Variants in NKAIN3 observed in about 807,000 individuals in gnomAD.
The protein encoded by NKAIN3 is sodium/potassium transporting ATPase interacting 3, also known as sodium/potassium-transporting ATPase subunit beta-1-interacting protein 3.
NKAIN3 carries 25 observed loss-of-function variants against 30.2 expected under a neutral mutation model. The observed-to-expected ratio is 0.83, with a 90% CI of 0.60 to 1.16. The LOEUF (loss-of-function observed/expected upper bound fraction) is 1.16, where lower values mean the gene tolerates loss of function less well. Among genes scored for constraint, NKAIN3 ranks in the 50% most tolerant of loss-of-function variants. The pLI, the probability that NKAIN3 is intolerant of heterozygous loss-of-function variation, is 0.00. For synonymous variants in NKAIN3, 91 were observed against 89.6 expected (o/e 1.02, Z -0.09); for missense variants, 225 against 254.1 (o/e 0.89, Z 0.78).
chr8:62,769,511 C>CA (rs1563553997), intron 4 of NKAIN3, among the ~76,000 whole-genome samples: 2 of 152,026 alleles, frequency 1.3e-5, no homozygotes, highest in Non-Finnish European at 2.9e-5. Flanking sequence ...ATTCAATATG[C>CA]AAAAAAATTC....
chr8:62,292,809 A>G (rs1813694771), intron 1 of NKAIN3, among the ~76,000 whole-genome samples: 1 of 152,182 alleles, frequency 6.6e-6, no homozygotes, highest in Non-Finnish European at 1.5e-5. Flanking sequence ...AGTTGTGGAT[A>G]ATATCCTGAA....
rs558826109 is a variant in NKAIN3, at chr8:62,977,392, C to T, written c.*11985C>T. Among the ~76,000 whole-genome samples the T allele has an allele frequency of 7.4e-4, 113 of 152,040 alleles. 1 individual carries two copies. The highest frequency in any genetic ancestry group is 2.6e-3 in the African/African-American group (109 of 41,496). ...TATTTCTGAGAGGTTCTGTTCATTC[C>T]TTTTCCATTTTTTTCTTCTAATCTT... On this transcript the variant is annotated 3_prime_UTR_variant, in exon 7 of 7. Coordinates refer to ENST00000623646, the MANE Select transcript of NKAIN3 (RefSeq NM_001304533.3).
intron 3 of NKAIN3, among the ~76,000 whole-genome samples, chr8:62,746,299 A>G (rs953083284): frequency 6.6e-6 from 1 of 152,122 alleles, no homozygotes. Context: ...AATATACACG[A>G]TTGCATTTAG....
chr8:62,466,334 C>A (rs919394273), intron 1 of NKAIN3, among the ~76,000 whole-genome samples: 1 of 152,036 alleles, frequency 6.6e-6, no homozygotes, highest in East Asian at 1.9e-4. Context: ...ACCAATTTTT[C>A]TCCAAAATAT....
At chr8:62,338,966 C>A (rs1254228099) in intron 1 of NKAIN3, among the ~76,000 whole-genome samples, 3 of 152,006 alleles carry the variant, frequency 2.0e-5, no homozygotes, top group Non-Finnish European at 4.4e-5. Context: ...ATCCTTCAAT[C>A]CAATCAAGTT....
At chr8:62,650,939 GAAA>G (rs1252203839) in intron 3 of NKAIN3, among the ~76,000 whole-genome samples, 2 of 151,990 alleles carry the variant, frequency 1.3e-5, no homozygotes, top group Non-Finnish European at 2.9e-5. Flanking sequence ...TTCTTTATGA[GAAA>G]AATATAAATT....
intron 6 of NKAIN3, among the ~76,000 whole-genome samples, chr8:62,958,578 T>C (rs1422250591): frequency 6.6e-6 from 1 of 152,042 alleles, no homozygotes; most frequent in East Asian, 1.9e-4. Context: ...CACATCAGCT[T>C]ACAGTAGGGG....
At chr8:62,271,779 T>G (rs1170852221) in intron 1 of NKAIN3, among the ~76,000 whole-genome samples, 2 of 152,208 alleles carry the variant, frequency 1.3e-5, no homozygotes, top group Admixed American at 6.5e-5. Context: ...GCTCTAGTGA[T>G]TCTTCAAAGA....
intron 4 of NKAIN3, among the ~76,000 whole-genome samples, chr8:62,825,408 A>C (rs1394821741): frequency 6.6e-6 from 1 of 152,192 alleles, no homozygotes; most frequent in Non-Finnish European, 1.5e-5. Context: ...GAAAATATTG[A>C]AAATGTTTTT....
At chr8:62,843,208 G>A (rs993321256) in intron 4 of NKAIN3, among the ~76,000 whole-genome samples, 2 of 151,910 alleles carry the variant, frequency 1.3e-5, no homozygotes, top group African/African-American at 4.8e-5. Context: ...GGACCCAGAT[G>A]CAAGGAACAC....
chr8:62,783,081 G>C (rs961192554), intron 4 of NKAIN3, among the ~76,000 whole-genome samples: 2 of 151,864 alleles, frequency 1.3e-5, no homozygotes, highest in African/African-American at 2.4e-5. Context: ...ATTAATAAAA[G>C]ATAAAATAAA....
chr8:62,471,962 T>C (rs1391408729), intron 1 of NKAIN3, among the ~76,000 whole-genome samples: 1 of 148,146 alleles, frequency 6.8e-6, no homozygotes, highest in Non-Finnish European at 1.5e-5. Flanking sequence ...AGACCCTATC[T>C]CAAACCAACA....
At chr8:62,965,052 T>C (rs534122215) in intron 6 of NKAIN3, among the ~76,000 whole-genome samples, 1 of 152,238 alleles carries the variant, frequency 6.6e-6, no homozygotes, top group Non-Finnish European at 1.5e-5. Flanking sequence ...CACACAACAC[T>C]ACCCTGTTAT....
At chr8:62,375,842 G>C (rs190861693) in intron 1 of NKAIN3, among the ~76,000 whole-genome samples, 358 of 152,224 alleles carry the variant, frequency 2.4e-3, no homozygotes, top group African/African-American at 7.8e-3. Context: ...CAAAATTTCA[G>C]TCCACAGACT....
At chr8:62,895,692 C>G (rs974379513) in intron 4 of NKAIN3, among the ~76,000 whole-genome samples, 1 of 152,144 alleles carries the variant, frequency 6.6e-6, no homozygotes, top group East Asian at 1.9e-4. Context: ...GTTTGAGCAT[C>G]AAGCTGTAAA....
intron 4 of NKAIN3, among the ~76,000 whole-genome samples, chr8:62,861,056 G>A (rs536083920): frequency 1.3e-5 from 2 of 152,298 alleles, no homozygotes; most frequent in East Asian, 1.9e-4. Flanking sequence ...CTAGATATTT[G>A]TAGAATTCCC....
At chr8:62,626,264 C>T (rs1168605653) in intron 3 of NKAIN3, among the ~76,000 whole-genome samples, 2 of 151,982 alleles carry the variant, frequency 1.3e-5, no homozygotes, top group African/African-American at 4.8e-5. Context: ...AGAGAAAAGC[C>T]CCATTCAGAT....
At chr8:62,989,809 T>C (rs1266207391), downstream of NKAIN3, among the ~76,000 whole-genome samples, 1 of 152,248 alleles carries the variant, frequency 6.6e-6, no homozygotes, top group Non-Finnish European at 1.5e-5. Flanking sequence ...AGAAATTTAG[T>C]ATTACTTCCA....
At chr8:62,536,786 G>A (rs1425444843) in intron 1 of NKAIN3, among the ~76,000 whole-genome samples, 1 of 152,078 alleles carries the variant, frequency 6.6e-6, no homozygotes, top group Non-Finnish European at 1.5e-5. Context: ...TGGAATACTG[G>A]CAATAAACTT....
Sources: allele counts gnomAD v4.1 joint callset (sites outside exome capture counted in the v4.1 genomes callset), GRCh38; gene constraint gnomAD v4.1.1; transcripts MANE v1.5; gene names NCBI Gene and HGNC (gene_info 2026-07-23, HGNC 2026-07-21).